The following NMI variants were observed in gnomAD, a reference collection of about 807,000 sequenced individuals.
The protein encoded by NMI is N-myc-interactor.
NMI carries 39 observed loss-of-function variants against 34.3 expected under a neutral mutation model. That is an observed-to-expected ratio of 1.14 (90% confidence interval 0.88 to 1.49). NMI has a LOEUF of 1.49. NMI is among the 40% of genes most tolerant of loss of function. The pLI is 0.00. For synonymous variants in NMI, 113 were observed against 120.3 expected (o/e 0.94, Z 0.40); for missense variants, 339 against 358.1 (o/e 0.95, Z 0.43).
At chr2:151,272,605 G>A (rs913750038) in intron 6 of NMI, among the ~76,000 whole-genome samples, 6 of 152,100 alleles carry the variant, frequency 3.9e-5, no homozygotes, top group Non-Finnish European at 7.4e-5. Flanking sequence ...GCAGGGACTC[G>A]GACAGATACT....
At position 151,275,639 on chromosome 2, in the gene NMI, T is replaced by C. The variant is rs1391768159; in HGVS notation, c.479A>G (p.Asn160Ser). ...VYVEVSKMKINVTEIPDTLRE... is the reference protein window; with the variant it reads ...VYVEVSKMKISVTEIPDTLRE... ...CAATGTGTCAGGAATTTCAGTAACA[T>C]TGATTTTCATTTTAGAAACTTCTAC... The change falls in exon 6 of 8, where the codon AAT becomes AGT. Residue 160 changes from asparagine to serine, a missense_variant. Physicochemically the swap from Asn to Ser is conservative, Grantham distance 46. Coordinates refer to ENST00000243346, the MANE Select transcript of NMI (RefSeq NM_004688.3). 4 of 1,614,184 alleles carry C rather than the reference T, an allele frequency of 2.5e-6. No homozygotes were observed. Among genetic ancestry groups the C allele is most frequent in the Non-Finnish European group, 3.4e-6 (4 of 1,179,984 alleles).
chr2:151,278,705 C>T, intron 4 of NMI, 123 bp downstream of exon 4: 1 of 748,736 alleles, frequency 1.3e-6, no homozygotes, highest in Non-Finnish European at 2.2e-6. Flanking sequence ...TCATACCTGC[C>T]TCAGAACGTC....
chr2:151,289,660 G>C lies in NMI; in HGVS notation c.-74C>G, dbSNP rs1306647254. 4 of 152,240 alleles carry C rather than the reference G, an allele frequency of 2.6e-5. No homozygotes were observed. Among genetic ancestry groups the C allele is most frequent in the Admixed American group, 2.6e-4 (4 of 15,288 alleles). The allele number at this position is 152,240 out of a possible 1,614,324, so 9.4% of individuals were successfully genotyped here. On this transcript the variant is annotated 5_prime_UTR_variant, in exon 1 of 8. Transcript: ENST00000243346. Reference sequence around the variant, plus strand: ...CCTGCCCTTCCCGGAAAACAGCAGCGCCTGAAACGCCGGAACCCCGGGAGG... The same window carrying C: ...CCTGCCCTTCCCGGAAAACAGCAGCCCCTGAAACGCCGGAACCCCGGGAGG...
intron 1 of NMI, 145 bp from the exon 2 acceptor site, chr2:151,283,099 A>G (rs543735635): frequency 2.3e-6 from 1 of 433,182 alleles, no homozygotes; most frequent in East Asian, 3.8e-5. Context: ...CTTTATTATC[A>G]TATGGCTTAT....
Position 151,279,336 on chromosome 2 carries a change from T to C in NMI, c.178-346A>G, listed in dbSNP as rs187795155. 1.3e-4 allele frequency among the ~76,000 whole-genome samples: 20 copies of C among 152,316 alleles called. No individual in the cohort carries two copies. In the East Asian group the frequency reaches 2.5e-3, roughly 19 times the overall value. On this transcript the variant is annotated intron_variant, in intron 3 of 7. Coordinates refer to ENST00000243346, the MANE Select transcript of NMI (RefSeq NM_004688.3). The stretch of plus-strand genomic sequence containing the variant: ...GGACTTTTTAAACAAGTGCCAATAA[T>C]AGACTATCTCAAAAGGAAATCATTA...
At chr2:151,280,989 C>G (rs762967749) in intron 3 of NMI, among the ~76,000 whole-genome samples, 1 of 151,930 alleles carries the variant, frequency 6.6e-6, no homozygotes, top group Admixed American at 6.6e-5. Context: ...TACAGGCACC[C>G]GCCACCATGC....
chr2:151,286,922 T>G lies in NMI; in HGVS notation c.-7+2671A>C, dbSNP rs13399299. Among the ~76,000 whole-genome samples, 646 of 152,262 alleles carry G rather than the reference T, an allele frequency of 4.2e-3. 5 individuals carry two copies. The highest frequency in any genetic ancestry group is 0.015 in the African/African-American group (620 of 41,544). On this transcript the variant is annotated intron_variant, in intron 1 of 7. Transcript: ENST00000243346. Reference sequence around the variant, plus strand: ...TTTTCCCCTGTGCACATTAATAAATTTGTATGCCATTTCTCCTTTTTAATC... The same window carrying G: ...TTTTCCCCTGTGCACATTAATAAATGTGTATGCCATTTCTCCTTTTTAATC...
intron 6 of NMI, among the ~76,000 whole-genome samples, chr2:151,272,633 A>G (rs945097572): frequency 2.0e-5 from 3 of 152,212 alleles, no homozygotes; most frequent in African/African-American, 7.2e-5. Context: ...TAATGCTCAG[A>G]GCAGTATTTT....
At chr2:151,271,575 G>A (rs762234800) in intron 7 of NMI, 51 bp downstream of exon 7, 14 of 884,914 alleles carry the variant, frequency 1.6e-5, no homozygotes, top group Middle Eastern at 2.2e-4. Flanking sequence ...TTTTTTGTGG[G>A]GTGGGTTTGG....
chr2:151,282,068 A>G lies in NMI; in HGVS notation c.82-25T>C, dbSNP rs770355762. On this transcript the variant is annotated intron_variant, in intron 2 of 7. Transcript: ENST00000243346. Reference sequence around the variant, plus strand: ...CCTTAAAAATATCAAATGGTACCAAAGAAAGTAAATAGCCCCTGAACTCAT... The same window carrying G: ...CCTTAAAAATATCAAATGGTACCAAGGAAAGTAAATAGCCCCTGAACTCAT... 9 of 1,060,132 alleles carry G rather than the reference A, an allele frequency of 8.5e-6. No homozygotes were observed. The African/African-American group carries it at 1.3e-4, about 15-fold the overall frequency. 65.7% of individuals were successfully genotyped at this position (1,060,132 alleles called of 1,614,324 possible).
Position 151,275,571 on chromosome 2 carries a change from T to C in NMI, c.547A>G (p.Lys183Glu), listed in dbSNP as rs769068674. Residue 183 changes from lysine (K) to glutamate (E), a missense_variant, in exon 6 of 8, where the codon AAG becomes GAG. Coordinates refer to ENST00000243346, the MANE Select transcript of NMI (RefSeq NM_004688.3). ...MRDKLELSFS[K>E]SRNGGGEVDR... Reference sequence around the variant, plus strand: ...ACCTCTCCGCCTCCATTTCGGGACTTTGAAAAGCTCAGCTCTAGTTTGTCT... The same window carrying C: ...ACCTCTCCGCCTCCATTTCGGGACTCTGAAAAGCTCAGCTCTAGTTTGTCT... 81 of 1,614,084 alleles carry C rather than the reference T, an allele frequency of 5.0e-5. No individual in the cohort carries two copies. In the South Asian group the frequency reaches 8.6e-4, roughly 17 times the overall value.
intron 1 of NMI, among the ~76,000 whole-genome samples, chr2:151,285,764 C>G (rs765029093): frequency 6.6e-6 from 1 of 152,064 alleles, no homozygotes; most frequent in Non-Finnish European, 1.5e-5. Context: ...CCAAAAGGAA[C>G]CAGGACTCTT....
chr2:151,274,117 C>T (rs539522704), intron 6 of NMI, among the ~76,000 whole-genome samples: 19 of 151,662 alleles, frequency 1.3e-4, no homozygotes, highest in African/African-American at 4.6e-4. Context: ...CCAAGGCGGG[C>T]GTATCACTTG....
chr2:151,280,330 T>C (rs531564988), intron 3 of NMI, among the ~76,000 whole-genome samples: 1 of 152,354 alleles, frequency 6.6e-6, no homozygotes, highest in African/African-American at 2.4e-5. Context: ...CTATTGCCCA[T>C]GGTTATTTTA....
chr2:151,270,992 T>C lies in NMI; in HGVS notation c.742-117A>G, dbSNP rs1683175822. 4 of 849,770 alleles carry C rather than the reference T, an allele frequency of 4.7e-6. No homozygotes were observed. In the South Asian group the frequency reaches 5.2e-5, roughly 11 times the overall value. 52.6% of individuals were successfully genotyped at this position (849,770 alleles called of 1,614,324 possible). ...TTATCTTAGAAGAGACAAGAAATCT[T>C]AGGAAGATTTTCCAAGCAAGAGAAT... On this transcript the variant is annotated intron_variant, in intron 7 of 7. Coordinates refer to ENST00000243346, the MANE Select transcript of NMI (RefSeq NM_004688.3).
chr2:151,270,720 T>C lies in NMI; in HGVS notation c.897A>G (p.Gln299=), dbSNP rs1683167567. 3.1e-6 allele frequency: 5 copies of C among 1,613,866 alleles called. No individual in the cohort carries two copies. In the South Asian group the frequency reaches 5.5e-5, roughly 18 times the overall value. Residue 299 remains glutamine, a synonymous_variant, in exon 8 of 8, where the codon CAA becomes CAG. Transcript: ENST00000243346. The part of the protein sequence containing the change: ...EVDVVKCSLG[Q]PHIAYFEE ...ATTCTTCAAAGTATGCTATGTGAGG[T>C]TGACCTAGAGAACACTTGACCACAT...
intron 1 of NMI, among the ~76,000 whole-genome samples, chr2:151,287,993 C>T (rs940328291): frequency 5.3e-5 from 8 of 152,146 alleles, no homozygotes; most frequent in African/African-American, 1.4e-4. Flanking sequence ...GTAATAAAGG[C>T]TCTCAGCATA....
chr2:151,286,015 T>C (rs148575952), intron 1 of NMI, among the ~76,000 whole-genome samples: 1 of 152,268 alleles, frequency 6.6e-6, no homozygotes, highest in East Asian at 1.9e-4. Context: ...CCAGATAAAT[T>C]AGAAATTTTG....
chr2:151,276,009 T>A lies in NMI; in HGVS notation c.341-145A>T, dbSNP rs1006876629. 5 of 605,176 alleles carry A rather than the reference T, an allele frequency of 8.3e-6. No homozygotes were observed. In the East Asian group the frequency reaches 1.4e-4, roughly 17 times the overall value. 37.5% of individuals were successfully genotyped at this position (605,176 alleles called of 1,614,324 possible). A position where few individuals can be genotyped will look rare whatever the true frequency, so the allele number is the denominator to read the frequency against. On this transcript the variant is annotated intron_variant, in intron 4 of 7. Transcript: ENST00000243346. ...TTTTAAAAATTTGGCGGGCGGTGAT[T>A]CCAAGTGATAATGGTCTTGCTACCA... is the stretch of plus-strand genomic sequence containing the variant.
Sources: gnomAD v4.1 joint callset for allele counts (sites outside exome capture counted in the v4.1 genomes callset) on GRCh38, gnomAD v4.1.1 for gene constraint, MANE v1.5 for transcripts, NCBI Gene and HGNC (gene_info 2026-07-23, HGNC 2026-07-21) for gene names.